Variants in NFIB observed in about 807,000 individuals in gnomAD.
NFIB encodes nuclear factor 1 B-type.
A neutral mutation model predicts 61.5 loss-of-function variants in NFIB; 11 were observed. The ratio of observed to expected loss-of-function variants is 0.18; its 90% CI spans 0.11 to 0.30. NFIB has a LOEUF of 0.30. NFIB is among the 10% of genes least tolerant of loss of function. The pLI is 1.00. For synonymous variants in NFIB, 260 were observed against 216.5 expected, an observed-to-expected ratio of 1.20 and a Z score of -1.76; for missense variants, 471 against 608.9, an observed-to-expected ratio of 0.77 and a Z score of 2.38.
the NFIB span, among the ~76,000 whole-genome samples, chr9:14,505,465 G>A: frequency 6.6e-6 from 1 of 152,144 alleles, no homozygotes; most frequent in Non-Finnish European, 1.5e-5. Context: ...ATGCCAGGAG[G>A]AGGCAGCAGT....
the NFIB span, among the ~76,000 whole-genome samples, chr9:14,411,579 G>T: frequency 6.6e-6 from 1 of 152,142 alleles, no homozygotes; most frequent in Non-Finnish European, 1.5e-5. Flanking sequence ...CCTTGTTAGT[G>T]GATTGAGAGC....
At chr9:14,154,840 A>G (rs948658244) in intron 4 of NFIB, among the ~76,000 whole-genome samples, 1 of 152,214 alleles carries the variant, frequency 6.6e-6, no homozygotes, top group Non-Finnish European at 1.5e-5. Context: ...TAGCGTGAAG[A>G]TTCCTTTACT....
chr9:14,289,638 T>A (rs763824989), intron 2 of NFIB, among the ~76,000 whole-genome samples: 5 of 151,808 alleles, frequency 3.3e-5, no homozygotes, highest in Non-Finnish European at 7.4e-5. Context: ...TATAAATACA[T>A]ATGCACACTT....
intron 9 of NFIB, among the ~76,000 whole-genome samples, chr9:14,114,995 G>A (rs1401169506): frequency 2.6e-5 from 4 of 152,226 alleles, no homozygotes; most frequent in East Asian, 1.9e-4. Context: ...TGAGTAGGTC[G>A]CATCCATCTG....
chr9:14,174,892 C>T (rs1478165026), intron 3 of NFIB, among the ~76,000 whole-genome samples: 1 of 151,904 alleles, frequency 6.6e-6, no homozygotes, highest in African/African-American at 2.4e-5. Flanking sequence ...TCCTCAAGGA[C>T]CTATGCGAAT....
chr9:14,202,914 C>G (rs527444281), intron 2 of NFIB, among the ~76,000 whole-genome samples: 3 of 152,184 alleles, frequency 2.0e-5, no homozygotes, highest in African/African-American at 7.2e-5. Context: ...TTGAATGCTA[C>G]TTACATAGAA....
chr9:14,448,455 G>C, the NFIB span, among the ~76,000 whole-genome samples: 9 of 152,200 alleles, frequency 5.9e-5, no homozygotes, highest in Non-Finnish European at 1.3e-4. Flanking sequence ...GAAAGGGATT[G>C]TCATAATTCC....
intron 2 of NFIB, chr9:14,300,369 C>G: frequency 2.5e-6 from 1 of 396,378 alleles, no homozygotes; most frequent in Non-Finnish European, 4.4e-6. Context: ...TTGCTTTGAA[C>G]ATTATGTTGG....
intron 7 of NFIB, among the ~76,000 whole-genome samples, chr9:14,123,490 T>G (rs1449295539): frequency 2.0e-5 from 3 of 152,200 alleles, no homozygotes; most frequent in Admixed American, 2.0e-4. Flanking sequence ...TAAAATTATT[T>G]CAGTGGCTTC....
rs1446516111 is a variant in NFIB at position 14,313,373 on chromosome 9, G to A, written c.30+109C>T. 1.3e-6 allele frequency: 2 copies of A among 1,513,958 alleles called. No homozygotes were observed. Among genetic ancestry groups the A allele is most frequent in the Non-Finnish European group, 1.8e-6 (2 of 1,103,228 alleles). The allele number at this position is 1,513,958 out of a possible 1,614,324, so 93.8% of individuals were successfully genotyped here. On this transcript the variant is annotated intron_variant, in intron 1 of 10. Coordinates refer to ENST00000380953, the MANE Select transcript of NFIB (RefSeq NM_001190737.2). This position sits in a 1 kb window ranked among gnomAD's most constrained non-coding sequence, Gnocchi z 4.5. ...TGCAACTCCGGGCCACTTCTCCAAG[G>A]GACGGGGATGTGCGGAGGTTAACTC...
chr9:14,362,638 A>C (rs1272936435), intron 1 of NFIB: 2 of 152,044 alleles, frequency 1.3e-5, no homozygotes, highest in African/African-American at 2.4e-5. Context: ...GCTCATATCT[A>C]TAATCCCACA....
chr9:14,109,020 A>G, intron 10 of NFIB, among the ~76,000 whole-genome samples: 1 of 152,022 alleles, frequency 6.6e-6, no homozygotes, highest in Admixed American at 6.6e-5. Context: ...CTTAGACTCA[A>G]ATGTAATGGT....
chr9:14,313,729 C>G lies in NFIB; in HGVS notation c.-218G>C, dbSNP rs2060401593. The G allele has an allele frequency of 2.1e-6, 3 of 1,408,512 alleles. No individual in the cohort carries two copies. The highest frequency in any genetic ancestry group is 2.8e-6 in the Non-Finnish European group (3 of 1,083,640). 87.3% of individuals were successfully genotyped at this position (1,408,512 alleles called of 1,614,324 possible). A position where few individuals can be genotyped will look rare whatever the true frequency, so the allele number is the denominator to read the frequency against. ...CGTGCTAGATTTCCAGGGGTGAAAT[C>G]CAATCTACACTTTTAACCCTCTTGC... is the stretch of plus-strand genomic sequence containing the variant. On this transcript the variant is annotated 5_prime_UTR_variant, in exon 1 of 11. Coordinates refer to ENST00000380953, the MANE Select transcript of NFIB (RefSeq NM_001190737.2). This position sits in a 1 kb window ranked among gnomAD's most constrained non-coding sequence, Gnocchi z 4.5.
upstream of NFIB, among the ~76,000 whole-genome samples, chr9:14,315,192 C>T (rs2060484722): frequency 6.6e-6 from 1 of 151,778 alleles, no homozygotes; most frequent in Non-Finnish European, 1.5e-5. Flanking sequence ...GCCCGGAGCC[C>T]GGGTTCGCGG....
At chr9:14,528,884 G>C in the NFIB span, among the ~76,000 whole-genome samples, 1 of 152,122 alleles carries the variant, frequency 6.6e-6, no homozygotes, top group Non-Finnish European at 1.5e-5. Context: ...TAGGAGATAT[G>C]TCTTTAATAC....
At chr9:14,434,545 C>T in the NFIB span, among the ~76,000 whole-genome samples, 1 of 152,136 alleles carries the variant, frequency 6.6e-6, no homozygotes, top group East Asian at 1.9e-4. Flanking sequence ...GTCAGTATAT[C>T]CTGACTGAGG....
intron 3 of NFIB, among the ~76,000 whole-genome samples, chr9:14,172,511 T>C (rs1587291708): frequency 6.6e-6 from 1 of 152,180 alleles, no homozygotes; most frequent in Non-Finnish European, 1.5e-5. Flanking sequence ...AAAAAAGTAA[T>C]CTCTAAAGAT....
intron 1 of NFIB, among the ~76,000 whole-genome samples, chr9:14,337,768 T>C (rs1293880256): frequency 6.6e-6 from 1 of 152,240 alleles, no homozygotes; most frequent in Non-Finnish European, 1.5e-5. Flanking sequence ...AAGAAGAGTC[T>C]TGGCTTTTAT....
In NFIB at chr9:14,218,229, C is replaced by A. The variant is rs537776937; in HGVS notation, c.563-38449G>T. Among the ~76,000 whole-genome samples the A allele has an allele frequency of 1.3e-3, 200 of 152,282 alleles. 2 individuals carry two copies. Among genetic ancestry groups the A allele is most frequent in the African/African-American group, 4.6e-3 (193 of 41,554 alleles). The stretch of plus-strand genomic sequence containing the variant: ...CAGGAAATAGGGACAGACATTATCA[C>A]CATATTGAAGCCAAATAGAAAATAA... On this transcript the variant is annotated intron_variant, in intron 2 of 10. Transcript: ENST00000380953.
Sources: allele counts gnomAD v4.1 joint callset (sites outside exome capture counted in the v4.1 genomes callset), GRCh38; gene constraint gnomAD v4.1.1; non-coding constraint Gnocchi (gnomAD v3.1); transcripts MANE v1.5; gene names NCBI Gene and HGNC (gene_info 2026-07-23, HGNC 2026-07-21).